PIK3R4: variants seen among roughly 807,000 people sequenced by gnomAD.
PIK3R4 encodes phosphoinositide 3-kinase regulatory subunit 4.
A neutral mutation model predicts 136.5 loss-of-function variants in PIK3R4; 46 were observed. The ratio of observed to expected loss-of-function variants is 0.34; its 90% CI spans 0.27 to 0.43. The LOEUF (loss-of-function observed/expected upper bound fraction) is 0.43, where lower values mean the gene tolerates loss of function less well. Ranked by LOEUF, PIK3R4 falls within the 20% of genes least tolerant of loss-of-function variation. PIK3R4 has a pLI of 1.00. For synonymous variants in PIK3R4, 557 were observed against 566.7 expected (o/e 0.98, Z 0.24); for missense variants, 1,331 against 1,649.5 (o/e 0.81, Z 3.35).
At chr3:130,683,165 A>AT (rs1269338929) in intron 16 of PIK3R4, among the ~76,000 whole-genome samples, 1 of 152,228 alleles carries the variant, frequency 6.6e-6, no homozygotes, top group Non-Finnish European at 1.5e-5. Flanking sequence ...AAAGAATACC[A>AT]TAGGAAGAGC....
intron 10 of PIK3R4, among the ~76,000 whole-genome samples, chr3:130,707,507 T>C (rs1182387481): frequency 6.6e-6 from 1 of 152,208 alleles, no homozygotes; most frequent in Non-Finnish European, 1.5e-5. Context: ...ATTCTATCAG[T>C]TGTCTGTTCA....
chr3:130,721,505 C>T (rs1007129839), intron 7 of PIK3R4, among the ~76,000 whole-genome samples: 1 of 151,928 alleles, frequency 6.6e-6, no homozygotes, highest in African/African-American at 2.4e-5. Context: ...TTTAAGTGTC[C>T]ACTGAATGAA....
chr3:130,735,818 G>A (rs2066782873), intron 3 of PIK3R4, 51 bp downstream of exon 3: 1 of 1,511,018 alleles, frequency 6.6e-7, no homozygotes, highest in Non-Finnish European at 8.9e-7. Flanking sequence ...AGCAAAAGTG[G>A]GAACTAGATC....
intron 4 of PIK3R4, among the ~76,000 whole-genome samples, 171 bp downstream of exon 4, chr3:130,733,377 C>T (rs1185255289): frequency 1.3e-5 from 2 of 152,280 alleles, no homozygotes; most frequent in South Asian, 2.1e-4. Context: ...AACACACAAA[C>T]GTTGATTCCC....
chr3:130,739,361 C>T (rs1038798738), intron 2 of PIK3R4, among the ~76,000 whole-genome samples: 7 of 152,070 alleles, frequency 4.6e-5, no homozygotes, highest in African/African-American at 7.2e-5. Flanking sequence ...CAGGCGTGAG[C>T]GACCGCGCTG....
intron 15 of PIK3R4, among the ~76,000 whole-genome samples, chr3:130,685,859 C>A (rs1478792041): frequency 6.6e-6 from 1 of 152,122 alleles, no homozygotes; most frequent in Non-Finnish European, 1.5e-5. Context: ...GGAATTTAAA[C>A]CATGCCTGCC....
At chr3:130,685,255 T>G (rs1226250490) in intron 15 of PIK3R4, among the ~76,000 whole-genome samples, 32 of 152,296 alleles carry the variant, frequency 2.1e-4, no homozygotes. Flanking sequence ...ATTTCAAAGT[T>G]GCCAAGAGTA....
chr3:130,702,538 T>G (rs931926720), intron 13 of PIK3R4, among the ~76,000 whole-genome samples: 4 of 152,192 alleles, frequency 2.6e-5, no homozygotes, highest in Admixed American at 1.3e-4. Flanking sequence ...CTAATTATGG[T>G]CAATGAACTT....
chr3:130,686,397 A>G lies in PIK3R4; in HGVS notation c.3289T>C (p.Cys1097Arg), dbSNP rs1267512832. ...TTGAAGTGATGCATATCCACAACAC[A>G]ACCGTCCTCCTTCTGATCTAGAATT... is the stretch of plus-strand genomic sequence containing the variant. ...SRILDQKEDG[C>R]VVDMHHFNSG... The change falls in exon 15 of 20, where the codon TGT (cysteine) becomes CGT (arginine). Residue 1097 changes from cysteine to arginine, a missense_variant. By Grantham distance (180) the Cys-to-Arg change is radical. Transcript: ENST00000356763. The G allele has an allele frequency of 3.7e-6, 6 of 1,611,208 alleles. No homozygotes were observed. In the South Asian group the frequency reaches 4.4e-5, roughly 12 times the overall value.
intron 8 of PIK3R4, among the ~76,000 whole-genome samples, chr3:130,717,594 A>G (rs1035369604): frequency 7.9e-5 from 12 of 152,188 alleles, no homozygotes. Context: ...GAAATGAATG[A>G]ATCTATGAAG....
intron 13 of PIK3R4, among the ~76,000 whole-genome samples, chr3:130,702,446 G>A (rs959635424): frequency 2.4e-4 from 36 of 152,170 alleles, no homozygotes; most frequent in African/African-American, 8.7e-4. Context: ...TAAAAATATA[G>A]AGCTAATCGG....
At chr3:130,700,665 A>T (rs1413994924) in intron 13 of PIK3R4, among the ~76,000 whole-genome samples, 1 of 152,204 alleles carries the variant, frequency 6.6e-6, no homozygotes, top group Non-Finnish European at 1.5e-5. Context: ...TGCCAACATC[A>T]CTCATGGGGG....
At position 130,712,544 on chromosome 3, in the gene PIK3R4, G is replaced by A. The variant is rs933711049; in HGVS notation, c.2331+3852C>T. On this transcript the variant is annotated intron_variant, in intron 9 of 19. Coordinates refer to ENST00000356763, the MANE Select transcript of PIK3R4 (RefSeq NM_014602.3). The stretch of plus-strand genomic sequence containing the variant: ...GTAGCCAGGCCTGGTGGTGCATGCC[G>A]GTAATACCAGCTACTCAGGGGGCTG... 4.6e-5 allele frequency among the ~76,000 whole-genome samples: 7 copies of A among 151,988 alleles called. No individual in the cohort carries two copies. In the South Asian group the frequency reaches 1.0e-3, roughly 23 times the overall value.
At chr3:130,732,002 C>T (rs898986953) in intron 4 of PIK3R4, among the ~76,000 whole-genome samples, 1 of 152,116 alleles carries the variant, frequency 6.6e-6, no homozygotes, top group Non-Finnish European at 1.5e-5. Context: ...AATAACAATG[C>T]AAGGTGCTGG....
In PIK3R4 at chr3:130,703,881, A is replaced by G. The variant is rs765867140; in HGVS notation, c.2940T>C (p.Arg980=). The G allele has an allele frequency of 6.2e-7, 1 of 1,609,638 alleles. No individual in the cohort carries two copies. Among genetic ancestry groups the G allele is most frequent in the Non-Finnish European group, 8.5e-7 (1 of 1,176,960 alleles). The change falls in exon 13 of 20, where the codon CGT becomes CGC. Residue 980 remains arginine (R), a synonymous_variant. Transcript: ENST00000356763. ...WESKPPPPGW[R]PKGLLVAHLH... The stretch of plus-strand genomic sequence containing the variant: ...GATGGGCAACTAACAGCCCTTTAGG[A>G]CGCCATCCTAAGGAAAAGCAAAGGA...
At chr3:130,702,435 G>C (rs1156232663) in intron 13 of PIK3R4, among the ~76,000 whole-genome samples, 23 of 152,134 alleles carry the variant, frequency 1.5e-4, no homozygotes, top group African/African-American at 5.3e-4. Flanking sequence ...TAAGAATGGT[G>C]TAAAAATATA....
intron 2 of PIK3R4, among the ~76,000 whole-genome samples, chr3:130,743,859 T>C (rs951435383): frequency 6.6e-6 from 1 of 152,204 alleles, no homozygotes; most frequent in African/African-American, 2.4e-5. Context: ...CTGGCTGAGT[T>C]TGGGCCTTGC....
chr3:130,718,637 A>C, intron 7 of PIK3R4, 103 bp from the exon 8 acceptor site: 4 of 1,093,506 alleles, frequency 3.7e-6, no homozygotes, highest in Non-Finnish European at 5.4e-6. Context: ...ATTTTGCCAC[A>C]GTGTTACTAT....
Position 130,690,593 on chromosome 3 carries a change from A to C in PIK3R4, c.3160T>G (p.Ser1054Ala), listed in dbSNP as rs1260031379. Residue 1054 changes from serine (S) to alanine (A), a missense_variant, in exon 14 of 20, where the codon TCC (serine) becomes GCC (alanine). Physicochemically the swap from Ser to Ala is moderately conservative, Grantham distance 99. Around this residue, in one of 2 missense-constraint regions of PIK3R4, gnomAD observed 1,180 missense variants for 1,407.0 expected, o/e 0.84. Transcript: ENST00000356763. ...RVKTLTFCQG[S>A]HYLAIASDNG... ...TCAGATGCTATGGCTAAATAGTGGGAGCCTTGGCAGAATGTGAGCGTCTTG... is the reference window on the plus strand; with the variant it reads ...TCAGATGCTATGGCTAAATAGTGGGCGCCTTGGCAGAATGTGAGCGTCTTG... 6.2e-7 allele frequency: 1 copy of C among 1,611,936 alleles called. No individual in the cohort carries two copies. Among genetic ancestry groups the C allele is most frequent in the South Asian group, 1.1e-5 (1 of 90,954 alleles).
Sources: gnomAD v4.1 joint callset for allele counts (sites outside exome capture counted in the v4.1 genomes callset) on GRCh38, gnomAD v4.1.1 for gene constraint, gnomAD v4.1.1 regional missense constraint, MANE v1.5 for transcripts, NCBI Gene and HGNC (gene_info 2026-07-23, HGNC 2026-07-21) for gene names.